PDE8A: variants seen among roughly 807,000 people sequenced by gnomAD.
PDE8A encodes high affinity cAMP-specific and IBMX-insensitive 3',5'-cyclic phosphodiesterase 8A.
In PDE8A, 59 loss-of-function variants were observed where a neutral mutation model predicts 105.0. That is an observed-to-expected ratio of 0.56 (90% CI 0.46 to 0.70). PDE8A has a LOEUF of 0.70. Among genes scored for constraint, PDE8A ranks in the 30% least tolerant of loss-of-function variants. The pLI, the probability that PDE8A is intolerant of heterozygous loss-of-function variation, is 0.00. For synonymous variants in PDE8A, 355 were observed against 371.9 expected, an observed-to-expected ratio of 0.95 and a Z score of 0.52; for missense variants, 1,014 against 1,045.9, an observed-to-expected ratio of 0.97 and a Z score of 0.42.
intron 1 of PDE8A, among the ~76,000 whole-genome samples, chr15:84,984,922 C>CAAA (rs34026921): frequency 1.4e-5 from 2 of 141,472 alleles, no homozygotes; most frequent in African/African-American, 5.3e-5. Flanking sequence ...TTCCAAAAGC[C>CAAA]AAAAAAAAAA....
chr15:84,993,986 T>C (rs759674500), intron 1 of PDE8A, among the ~76,000 whole-genome samples: 8 of 152,204 alleles, frequency 5.3e-5, no homozygotes, highest in Non-Finnish European at 7.3e-5. Flanking sequence ...CCCTTAAGTT[T>C]TCTCATTTTC....
intron 7 of PDE8A, among the ~76,000 whole-genome samples, chr15:85,089,967 G>A (rs2081614798): frequency 6.6e-6 from 1 of 152,180 alleles, no homozygotes; most frequent in Non-Finnish European, 1.5e-5. Context: ...AGCAAAAAAG[G>A]GAGTTGCACC....
intron 20 of PDE8A, among the ~76,000 whole-genome samples, chr15:85,134,161 G>A (rs2082369286): frequency 6.6e-6 from 1 of 152,184 alleles, no homozygotes; most frequent in Non-Finnish European, 1.5e-5. Context: ...TAAGCACGAG[G>A]GTCTTCACTG....
At chr15:85,041,531 G>A (rs974630998) in intron 1 of PDE8A, among the ~76,000 whole-genome samples, 1 of 152,144 alleles carries the variant, frequency 6.6e-6, no homozygotes, top group Non-Finnish European at 1.5e-5. Flanking sequence ...TGACTACTAC[G>A]ATGTTCTAAC....
chr15:85,066,964 C>T (rs757308187), intron 2 of PDE8A, 50 bp from the exon 3 acceptor site: 3 of 1,350,354 alleles, frequency 2.2e-6, no homozygotes, highest in African/African-American at 1.5e-5. Context: ...TAAGAAATGA[C>T]AATTCTAACA....
chr15:85,039,455 G>A (rs913458363), intron 1 of PDE8A, among the ~76,000 whole-genome samples: 4 of 151,714 alleles, frequency 2.6e-5, no homozygotes, highest in Non-Finnish European at 5.9e-5. Context: ...GAAAATAAAC[G>A]TTGGTGAGGA....
chr15:85,066,586 ACACACACACACACACACACACAC>A (rs2081230401), intron 2 of PDE8A, among the ~76,000 whole-genome samples: 147 of 11,256 alleles, frequency 0.013, 2 homozygotes, highest in African/African-American at 0.043. Flanking sequence ...CCCCCAAAAC[ACACACACACACACACACACACAC>A]ACACACACAC....
At chr15:85,059,665 G>C (rs2081114565) in intron 1 of PDE8A, among the ~76,000 whole-genome samples, 1 of 152,036 alleles carries the variant, frequency 6.6e-6, no homozygotes, top group Non-Finnish European at 1.5e-5. Flanking sequence ...ATTACTATTA[G>C]AGTATCTTTT....
chr15:85,110,159 T>G (rs1284941802), intron 12 of PDE8A, among the ~76,000 whole-genome samples: 5 of 152,194 alleles, frequency 3.3e-5, no homozygotes, highest in Non-Finnish European at 7.3e-5. Context: ...ATCTTCATTG[T>G]AGCTGTCGTG....
chr15:85,021,880 C>T (rs1567233501), intron 1 of PDE8A, among the ~76,000 whole-genome samples: 1 of 152,212 alleles, frequency 6.6e-6, no homozygotes, highest in Non-Finnish European at 1.5e-5. Flanking sequence ...GTTGCGTGTC[C>T]TCCTTACTGC....
chr15:85,051,480 AT>A (rs899640363), intron 1 of PDE8A, among the ~76,000 whole-genome samples: 206 of 152,046 alleles, frequency 1.4e-3, no homozygotes, highest in African/African-American at 4.9e-3. Flanking sequence ...TTTTTCTTCA[AT>A]TTTTAAGTCC....
chr15:85,006,567 C>T (rs565786035), intron 1 of PDE8A, among the ~76,000 whole-genome samples: 13 of 152,300 alleles, frequency 8.5e-5, no homozygotes, highest in African/African-American at 2.9e-4. Context: ...ATATGTTTAT[C>T]AACCATTTGT....
At chr15:85,022,613 A>G (rs1276755659) in intron 1 of PDE8A, among the ~76,000 whole-genome samples, 1 of 148,642 alleles carries the variant, frequency 6.7e-6, no homozygotes, top group African/African-American at 2.5e-5. Flanking sequence ...CAGTGGCGTG[A>G]TCTCAGCTCA....
At chr15:85,120,264 A>G (rs1273529422) in intron 17 of PDE8A, 1 of 152,172 alleles carries the variant, frequency 6.6e-6, no homozygotes, top group Non-Finnish European at 1.5e-5. Context: ...TAGCCCTTTA[A>G]GGAATTTTTC....
intron 1 of PDE8A, among the ~76,000 whole-genome samples, chr15:84,985,770 C>T (rs1181732971): frequency 6.6e-6 from 1 of 152,146 alleles, no homozygotes; most frequent in Non-Finnish European, 1.5e-5. Context: ...AAAATCCACC[C>T]AGGCCAGGTA....
At chr15:84,983,367 A>AT (rs772765541) in intron 1 of PDE8A, among the ~76,000 whole-genome samples, 2 of 152,038 alleles carry the variant, frequency 1.3e-5, no homozygotes, top group African/African-American at 4.8e-5. Flanking sequence ...AATTTGTTTG[A>AT]TTTTTCCTTG....
chr15:85,090,194 G>T (rs2081618648), intron 7 of PDE8A, among the ~76,000 whole-genome samples: 1 of 152,186 alleles, frequency 6.6e-6, no homozygotes, highest in Non-Finnish European at 1.5e-5. Flanking sequence ...GCTCCATCCT[G>T]CTTCAGCTGA....
At chr15:85,112,414 T>C (rs2082034227) in intron 12 of PDE8A, among the ~76,000 whole-genome samples, 1 of 152,238 alleles carries the variant, frequency 6.6e-6, no homozygotes, top group African/African-American at 2.4e-5. Context: ...ATATCAATTA[T>C]TTTTAAATGA....
chr15:84,983,880 C>T (rs1174861289), intron 1 of PDE8A, among the ~76,000 whole-genome samples: 1 of 152,162 alleles, frequency 6.6e-6, no homozygotes, highest in East Asian at 1.9e-4. Flanking sequence ...TCTTGTAAGC[C>T]TCCCCAGTGC....
Sources: allele counts gnomAD v4.1 joint callset (sites outside exome capture counted in the v4.1 genomes callset), GRCh38; gene constraint gnomAD v4.1.1; transcripts MANE v1.5; gene names NCBI Gene and HGNC (gene_info 2026-07-23, HGNC 2026-07-21).